CYTH3: variants seen among roughly 807,000 people sequenced by gnomAD.
The protein encoded by CYTH3 is cytohesin-3.
A neutral mutation model predicts 55.1 loss-of-function variants in CYTH3; 23 were observed. The ratio of observed to expected loss-of-function variants is 0.42; its 90% CI spans 0.30 to 0.59. The LOEUF (loss-of-function observed/expected upper bound fraction) is 0.59, where lower values mean the gene tolerates loss of function less well. CYTH3 is among the 20% of genes least tolerant of loss of function. The pLI is 0.20. For missense variants in CYTH3, 413 were observed against 524.8 expected (o/e 0.79, Z 2.08); for synonymous variants, 249 against 194.9 (o/e 1.28, Z -2.31).
chr7:6,265,355 G>A (rs1236742541), intron 1 of CYTH3, among the ~76,000 whole-genome samples: 2 of 151,998 alleles, frequency 1.3e-5, no homozygotes, highest in African/African-American at 4.8e-5. Context: ...GCTCATGCCT[G>A]TAATCCCAGC....
At chr7:6,166,740 C>T (rs1335172380) in intron 9 of CYTH3, among the ~76,000 whole-genome samples, 3 of 152,270 alleles carry the variant, frequency 2.0e-5, no homozygotes, top group Middle Eastern at 3.4e-3. Context: ...AGGCCGGAAG[C>T]GGGTCTCTGC....
intron 1 of CYTH3, among the ~76,000 whole-genome samples, chr7:6,211,642 C>A (rs1784321332): frequency 6.6e-6 from 1 of 152,040 alleles, no homozygotes; most frequent in Non-Finnish European, 1.5e-5. Flanking sequence ...TAAATATATT[C>A]TTTTATTTTT....
At chr7:6,186,831 G>C (rs891703263) in intron 4 of CYTH3, among the ~76,000 whole-genome samples, 1 of 151,024 alleles carries the variant, frequency 6.6e-6, no homozygotes, top group African/African-American at 2.5e-5. Flanking sequence ...AGCTCACTCT[G>C]AAAGAAAGGC....
chr7:6,225,037 T>G (rs906937132), intron 1 of CYTH3, among the ~76,000 whole-genome samples: 47 of 152,162 alleles, frequency 3.1e-4, no homozygotes, highest in African/African-American at 1.1e-3. Flanking sequence ...TGGCTGGCGC[T>G]GGGGTAAGGA....
intron 6 of CYTH3, among the ~76,000 whole-genome samples, chr7:6,172,495 C>A (rs541531154): frequency 6.6e-6 from 1 of 152,324 alleles, no homozygotes; most frequent in South Asian, 2.1e-4. Context: ...CCCACACAGG[C>A]TTGCCGTGCC....
chr7:6,256,372 G>C (rs1467648067), intron 1 of CYTH3, among the ~76,000 whole-genome samples: 3 of 152,256 alleles, frequency 2.0e-5, no homozygotes, highest in African/African-American at 7.2e-5. Flanking sequence ...GAAAGGACTA[G>C]GATAGTGGAC....
chr7:6,219,336 T>TA (rs1318623364), intron 1 of CYTH3, among the ~76,000 whole-genome samples: 3 of 152,188 alleles, frequency 2.0e-5, no homozygotes, highest in African/African-American at 7.2e-5. Context: ...GCGCTTATAG[T>TA]AAAATGCAGA....
intron 1 of CYTH3, among the ~76,000 whole-genome samples, chr7:6,252,719 G>A (rs755081536): frequency 6.6e-6 from 1 of 152,190 alleles, no homozygotes; most frequent in Non-Finnish European, 1.5e-5. Flanking sequence ...AGAAGAAAAA[G>A]ATGCATTCCT....
At chr7:6,213,945 T>A (rs999580712) in intron 1 of CYTH3, among the ~76,000 whole-genome samples, 3 of 152,146 alleles carry the variant, frequency 2.0e-5, no homozygotes, top group African/African-American at 7.2e-5. Context: ...ATTCTCAGCA[T>A]CCTTTTAGGA....
chr7:6,207,802 T>C (rs1784229085), intron 1 of CYTH3, among the ~76,000 whole-genome samples: 1 of 151,844 alleles, frequency 6.6e-6, no homozygotes, highest in African/African-American at 2.4e-5. Context: ...ATACAAAAAT[T>C]ACCTGGGTGC....
chr7:6,258,376 T>C lies in CYTH3; in HGVS notation c.34+14098A>G, dbSNP rs184387324. 5.1e-3 allele frequency among the ~76,000 whole-genome samples: 775 copies of C among 151,950 alleles called. 22 individuals are homozygous for C. The highest frequency in any genetic ancestry group is 0.034 in the Admixed American group (514 of 15,252). On this transcript the variant is annotated intron_variant, in intron 1 of 12. Coordinates refer to ENST00000350796, the MANE Select transcript of CYTH3 (RefSeq NM_004227.4). ...TATATTTATTTGTGAAGGAAGAAACTTCTTGCAGACATCCCCCTGCAAACT... is the reference window on the plus strand; with the variant it reads ...TATATTTATTTGTGAAGGAAGAAACCTCTTGCAGACATCCCCCTGCAAACT...
At chr7:6,262,202 C>T (rs1232802400) in intron 1 of CYTH3, among the ~76,000 whole-genome samples, 2 of 152,094 alleles carry the variant, frequency 1.3e-5, no homozygotes, top group Non-Finnish European at 2.9e-5. Context: ...ATACAGGACA[C>T]GACACAGAGG....
At position 6,171,704 on chromosome 7, in the gene CYTH3, A is replaced by G. The variant is rs1347249758; in HGVS notation, c.450-390T>C. The G allele has an allele frequency of 4.0e-6, 1 of 252,168 alleles. No individual in the cohort carries two copies. Among genetic ancestry groups the G allele is most frequent in the East Asian group, 8.7e-5 (1 of 11,464 alleles). 15.6% of individuals were successfully genotyped at this position (252,168 alleles called of 1,614,324 possible). A position where few individuals can be genotyped will look rare whatever the true frequency, so the allele number is the denominator to read the frequency against. On this transcript the variant is annotated intron_variant, in intron 6 of 12. Coordinates refer to ENST00000350796, the MANE Select transcript of CYTH3 (RefSeq NM_004227.4). This position sits in a 1 kb window ranked among gnomAD's most constrained non-coding sequence, Gnocchi z 6.7. ...AGCCGGTCCTCCTTTCAGAACTCCC[A>G]CACATAAGGCAGAGCCATAGCCCAC...
rs753652164 is a variant in CYTH3 at position 6,170,808 on chromosome 7, G to A, written c.711+22C>T. 6.2e-7 allele frequency: 1 copy of A among 1,600,868 alleles called. No homozygotes were observed. Among genetic ancestry groups the A allele is most frequent in the African/African-American group, 1.3e-5 (1 of 74,558 alleles). ...GCGAAGAGATCCTGCAGACGGCAGCGGCCGCGGGCCGGGGAGCTCACCCTC... is the reference window on the plus strand; with the variant it reads ...GCGAAGAGATCCTGCAGACGGCAGCAGCCGCGGGCCGGGGAGCTCACCCTC... On this transcript the variant is annotated intron_variant, in intron 8 of 12. Coordinates refer to ENST00000350796, the MANE Select transcript of CYTH3 (RefSeq NM_004227.4). The surrounding 1 kb of genome is among the most constrained non-coding windows in gnomAD (Gnocchi z 7.8).
intron 1 of CYTH3, among the ~76,000 whole-genome samples, chr7:6,211,653 A>G (rs1784321595): frequency 6.6e-6 from 1 of 152,130 alleles, no homozygotes; most frequent in Admixed American, 6.5e-5. Flanking sequence ...TTTTATTTTT[A>G]AATGTACAAT....
chr7:6,177,668 G>T (rs972317173), intron 5 of CYTH3, among the ~76,000 whole-genome samples, 155 bp downstream of exon 5: 1 of 152,216 alleles, frequency 6.6e-6, no homozygotes, highest in Non-Finnish European at 1.5e-5. Context: ...GTTGCACTGG[G>T]CTCGCTTGGT....
intron 9 of CYTH3, among the ~76,000 whole-genome samples, chr7:6,166,224 C>G (rs1397553683): frequency 1.3e-5 from 2 of 152,198 alleles, no homozygotes; most frequent in African/African-American, 4.8e-5. Context: ...AATCAGTCAC[C>G]CCTGGGCCCA....
chr7:6,178,064 C>T (rs777776413), intron 4 of CYTH3, 123 bp from the exon 5 acceptor site: 90 of 701,148 alleles, frequency 1.3e-4, no homozygotes, highest in Non-Finnish European at 1.9e-4. Flanking sequence ...ATACCAGAGA[C>T]ACCCATACAA....
chr7:6,260,305 T>C (rs55785204), intron 1 of CYTH3, among the ~76,000 whole-genome samples: 2,066 of 152,264 alleles, frequency 0.014, 39 homozygotes, highest in African/African-American at 0.045. Flanking sequence ...TTACTTATAC[T>C]AAGAGTGTGA....
Sources: gnomAD v4.1 joint callset for allele counts (sites outside exome capture counted in the v4.1 genomes callset) on GRCh38, gnomAD v4.1.1 for gene constraint, Gnocchi (gnomAD v3.1) non-coding constraint, MANE v1.5 for transcripts, NCBI Gene and HGNC (gene_info 2026-07-23, HGNC 2026-07-21) for gene names.